Variants in FOXN3 observed in about 807,000 individuals in gnomAD.
FOXN3 encodes forkhead box N3, also known as forkhead box protein N3.
In FOXN3, 7 loss-of-function variants were observed where a neutral mutation model predicts 38.4. That is an observed-to-expected ratio of 0.18 (90% CI 0.10 to 0.34). The LOEUF is 0.34. Ranked by LOEUF, FOXN3 falls within the 10% of genes least tolerant of loss-of-function variation. The probability of loss-of-function intolerance (pLI) is 1.00; values close to 1 mark genes in which losing one functional copy is unlikely to be tolerated. For synonymous variants in FOXN3, 230 were observed against 242.2 expected, an observed-to-expected ratio of 0.95 and a Z score of 0.47; for missense variants, 456 against 613.4, an observed-to-expected ratio of 0.74 and a Z score of 2.71.
intron 1 of FOXN3, among the ~76,000 whole-genome samples, chr14:89,521,411 G>T (rs1259648682): frequency 6.6e-6 from 1 of 151,274 alleles, no homozygotes; most frequent in East Asian, 1.9e-4. Flanking sequence ...GAATAGAAGA[G>T]AATCAATGAA....
intron 4 of FOXN3, among the ~76,000 whole-genome samples, chr14:89,242,698 G>A (rs749608604): frequency 9.6e-4 from 146 of 152,178 alleles, no homozygotes; most frequent in African/African-American, 3.2e-3. Flanking sequence ...CTTAAGTACC[G>A]GGAAAAGGCA....
chr14:89,411,051 G>A (rs1005788283), intron 2 of FOXN3, among the ~76,000 whole-genome samples: 2 of 152,306 alleles, frequency 1.3e-5, no homozygotes, highest in East Asian at 3.9e-4. Flanking sequence ...ACAGCAGGAG[G>A]TCAGCATTGC....
chr14:89,222,626 G>A (rs1884502882), intron 4 of FOXN3, among the ~76,000 whole-genome samples: 1 of 152,044 alleles, frequency 6.6e-6, no homozygotes, highest in Non-Finnish European at 1.5e-5. Flanking sequence ...GAGCTCAGGA[G>A]GACACCTGTT....
chr14:89,373,614 G>A (rs895217385), intron 2 of FOXN3, among the ~76,000 whole-genome samples: 5 of 152,222 alleles, frequency 3.3e-5, no homozygotes, highest in Non-Finnish European at 5.9e-5. Flanking sequence ...TAACTAATAC[G>A]TTAGCTCTAT....
At chr14:89,310,197 T>C (rs75067100) in intron 3 of FOXN3, among the ~76,000 whole-genome samples, 1 of 152,170 alleles carries the variant, frequency 6.6e-6, no homozygotes, top group Non-Finnish European at 1.5e-5. Flanking sequence ...GATATGGCTT[T>C]AGGTCAATGG....
At chr14:89,279,923 T>TA (rs1294775179) in intron 4 of FOXN3, among the ~76,000 whole-genome samples, 1 of 152,174 alleles carries the variant, frequency 6.6e-6, no homozygotes, top group African/African-American at 2.4e-5. Flanking sequence ...TTCTTAACCA[T>TA]ACTTATCTCC....
chr14:89,295,214 T>A (rs1006762364), intron 3 of FOXN3, among the ~76,000 whole-genome samples: 3 of 152,188 alleles, frequency 2.0e-5, no homozygotes, highest in Non-Finnish European at 4.4e-5. Context: ...TACAGCCTAT[T>A]CATCCTTTAA....
chr14:89,172,992 GA>G (rs1482859045), intron 5 of FOXN3, among the ~76,000 whole-genome samples: 1 of 152,078 alleles, frequency 6.6e-6, no homozygotes, highest in Non-Finnish European at 1.5e-5. Context: ...TGATAAATGT[GA>G]TTAATAAGAA....
chr14:89,257,485 T>G lies in FOXN3; in HGVS notation c.745+23465A>C, dbSNP rs148043065. ...AACAGAACTAATTACCACCTGTAAG[T>G]ACCAATTCCTGTATAATCCGATCCT... On this transcript the variant is annotated intron_variant, in intron 4 of 5. Coordinates refer to ENST00000557258, the MANE Select transcript of FOXN3 (RefSeq NM_005197.4). Among the ~76,000 whole-genome samples the G allele has an allele frequency of 8.9e-3, 1,359 of 152,352 alleles. 21 individuals carry two copies. Among genetic ancestry groups the G allele is most frequent in the African/African-American group, 0.031 (1,291 of 41,576 alleles).
At chr14:89,593,238 AG>A (rs1397725895) in intron 1 of FOXN3, among the ~76,000 whole-genome samples, 2 of 147,628 alleles carry the variant, frequency 1.4e-5, no homozygotes, top group East Asian at 4.3e-4. Flanking sequence ...GGGAGAAAGG[AG>A]GGAGGGAGGG....
chr14:89,409,040 C>T (rs1891464390), intron 2 of FOXN3, among the ~76,000 whole-genome samples: 1 of 152,180 alleles, frequency 6.6e-6, no homozygotes, highest in African/African-American at 2.4e-5. Flanking sequence ...CTGCACCTCT[C>T]ACAGCAGCCA....
At chr14:89,500,683 G>A (rs141286427) in intron 1 of FOXN3, among the ~76,000 whole-genome samples, 30 of 152,274 alleles carry the variant, frequency 2.0e-4, no homozygotes, top group Admixed American at 7.2e-4. Flanking sequence ...CATCCACTCC[G>A]CAGAAAGCAG....
chr14:89,215,664 T>C (rs1389691957), intron 4 of FOXN3, among the ~76,000 whole-genome samples: 2 of 152,198 alleles, frequency 1.3e-5, no homozygotes, highest in Non-Finnish European at 2.9e-5. Flanking sequence ...TTGTTTTTCA[T>C]ATGGCATGTC....
In FOXN3 at chr14:89,588,549, T is replaced by C. The variant is rs143523678; in HGVS notation, c.-15+30479A>G. On this transcript the variant is annotated intron_variant, in intron 1 of 6. Transcript: ENST00000345097. ...TGCTCTAGGCTAACATCATGTTACG[T>C]AGAGAGCTCACTAATGGCCAGGTTA... 1.7e-3 allele frequency among the ~76,000 whole-genome samples: 258 copies of C among 152,268 alleles called. 1 individual carries two copies. The highest frequency in any genetic ancestry group is 6.8e-3 in the Middle Eastern group (2 of 294).
chr14:89,499,700 G>T (rs1422688438), intron 1 of FOXN3, among the ~76,000 whole-genome samples: 9 of 152,142 alleles, frequency 5.9e-5, no homozygotes. Flanking sequence ...TCGTTTACGT[G>T]TAATTTTCAT....
At chr14:89,596,112 T>C (rs561269489) in intron 1 of FOXN3, among the ~76,000 whole-genome samples, 3 of 152,266 alleles carry the variant, frequency 2.0e-5, no homozygotes, top group African/African-American at 7.2e-5. Context: ...TTGTTTAGAA[T>C]TTTATTTATT....
chr14:89,422,705 G>A (rs1270296359), intron 1 of FOXN3, among the ~76,000 whole-genome samples: 2 of 152,178 alleles, frequency 1.3e-5, no homozygotes, highest in African/African-American at 2.4e-5. Flanking sequence ...TCTGGTCACC[G>A]TCTCTTGGGA....
intron 4 of FOXN3, among the ~76,000 whole-genome samples, chr14:89,205,756 C>T (rs116109123): frequency 0.021 from 3,134 of 152,318 alleles, 111 homozygotes; most frequent in African/African-American, 0.071. Flanking sequence ...CTGTAACACA[C>T]GCCCACCGGG....
chr14:89,215,346 G>GTT (rs1884237778), intron 4 of FOXN3, among the ~76,000 whole-genome samples: 1 of 96,974 alleles, frequency 1.0e-5, no homozygotes, highest in Non-Finnish European at 2.0e-5. Flanking sequence ...GGAGAATAGA[G>GTT]ATTTTTTTTT....
Sources: gnomAD v4.1 joint callset for allele counts (sites outside exome capture counted in the v4.1 genomes callset) on GRCh38, gnomAD v4.1.1 for gene constraint, MANE v1.5 for transcripts, NCBI Gene and HGNC (gene_info 2026-07-23, HGNC 2026-07-21) for gene names.